Variants in HERC1 observed in about 807,000 individuals in gnomAD.
The protein encoded by HERC1 is HECT and RLD domain containing E3 ubiquitin protein ligase family member 1.
Under a neutral mutation model 554.3 loss-of-function variants are expected in HERC1, and 160 were observed. The ratio of observed to expected loss-of-function variants is 0.29; its 90% confidence interval spans 0.25 to 0.33. The LOEUF (loss-of-function observed/expected upper bound fraction) is 0.33, where lower values mean the gene tolerates loss of function less well. Among genes scored for constraint, HERC1 ranks in the 10% least tolerant of loss-of-function variants. The probability of loss-of-function intolerance (pLI) is 1.00; values close to 1 mark genes in which losing one functional copy is unlikely to be tolerated. For synonymous variants in HERC1, 2,175 were observed against 2,131.7 expected, an observed-to-expected ratio of 1.02 and a Z score of -0.56; for missense variants, 4,919 against 5,918.5, an observed-to-expected ratio of 0.83 and a Z score of 5.54.
intron 37 of HERC1, among the ~76,000 whole-genome samples, chr15:63,675,376 T>C (rs1302366628): frequency 6.6e-6 from 1 of 152,204 alleles, no homozygotes; most frequent in Non-Finnish European, 1.5e-5. Flanking sequence ...TGCCAGGAGT[T>C]AGCAAACTTT....
chr15:63,706,689 C>G, intron 25 of HERC1, 91 bp downstream of exon 25: 1 of 697,974 alleles, frequency 1.4e-6, no homozygotes, highest in East Asian at 2.9e-5. Context: ...GATATAAAAA[C>G]AGCTTCTTAA....
intron 14 of HERC1, among the ~76,000 whole-genome samples, chr15:63,730,837 T>C (rs1341955508): frequency 1.3e-5 from 2 of 152,114 alleles, no homozygotes; most frequent in African/African-American, 4.8e-5. Context: ...CCTCTGTGAG[T>C]TTTAAATTAC....
chr15:63,654,443 A>T (rs957292990), intron 50 of HERC1, 119 bp from the exon 51 acceptor site: 2 of 700,936 alleles, frequency 2.9e-6, no homozygotes, highest in African/African-American at 3.6e-5. Context: ...AAATGGGTTA[A>T]CCCATATCTT....
At position 63,612,947 on chromosome 15, in the gene HERC1, C is replaced by A. The variant is rs900031868; in HGVS notation, c.14095-391G>T. Among the ~76,000 whole-genome samples, 2 of 152,144 alleles carry A rather than the reference C, an allele frequency of 1.3e-5. No homozygotes were observed. Among genetic ancestry groups the A allele is most frequent in the African/African-American group, 4.8e-5 (2 of 41,434 alleles). ...CACTTCATCTCATAAAGGTAAGAAG[C>A]TTTGGGGGCACTCAACTAGCTGCCT... On this transcript the variant is annotated intron_variant, in intron 76 of 77. Coordinates refer to ENST00000443617, the MANE Select transcript of HERC1 (RefSeq NM_003922.4). This position sits in a 1 kb window ranked among gnomAD's most constrained non-coding sequence, Gnocchi z 5.0.
chr15:63,787,568 A>G (rs1024330653), intron 1 of HERC1, among the ~76,000 whole-genome samples: 4 of 152,180 alleles, frequency 2.6e-5, no homozygotes, highest in Non-Finnish European at 4.4e-5. Context: ...CAAATACTCA[A>G]AAAAAGTTCG....
intron 1 of HERC1, among the ~76,000 whole-genome samples, chr15:63,786,925 T>TA (rs1419338239): frequency 1.0e-4 from 15 of 150,332 alleles, no homozygotes; most frequent in Non-Finnish European, 1.8e-4. Context: ...TTATTATTTT[T>TA]TTTTTTTTTA....
At chr15:63,744,787 C>T (rs74019004) in intron 12 of HERC1, among the ~76,000 whole-genome samples, 1,824 of 152,208 alleles carry the variant, frequency 0.012, 31 homozygotes, top group African/African-American at 0.042. Flanking sequence ...TCTAGAAATG[C>T]CATCTAACAA....
rs1274785065 is a variant in HERC1 at position 63,608,930 on chromosome 15, G to C, written c.*151C>G. 5 of 568,294 alleles carry C rather than the reference G, an allele frequency of 8.8e-6. No homozygotes were observed. The highest frequency in any genetic ancestry group is 1.4e-5 in the Non-Finnish European group (5 of 360,476). 35.2% of individuals were successfully genotyped at this position (568,294 alleles called of 1,614,324 possible). On this transcript the variant is annotated 3_prime_UTR_variant, in exon 78 of 78. Transcript: ENST00000443617. Reference sequence around the variant, plus strand: ...AAAAATAAAAACATCTAATTTCTTTGTTACATTTAGAGTAACTAAATGTGG... The same window carrying C: ...AAAAATAAAAACATCTAATTTCTTTCTTACATTTAGAGTAACTAAATGTGG...
intron 58 of HERC1, 57 bp downstream of exon 58, chr15:63,643,347 G>A: frequency 2.1e-6 from 3 of 1,433,466 alleles, no homozygotes; most frequent in Non-Finnish European, 2.9e-6. Context: ...TTTATCACAT[G>A]TGTTTAAGTT....
At position 63,609,265 on chromosome 15, in the gene HERC1, G is replaced by A; in HGVS notation, c.14402C>T (p.Pro4801Leu). The change falls in exon 78 of 78, where the codon CCT becomes CTT. Residue 4801 changes from proline to leucine, a missense_variant and splice_region_variant. Pro to Leu is a moderately conservative substitution (Grantham distance 98). Transcript: ENST00000443617. ...CTGTGAGGTAGGCAGACTGTCGTAAGGCTGTGGAGAGAGACCCAGAGCCGT... is the reference window on the plus strand; with the variant it reads ...CTGTGAGGTAGGCAGACTGTCGTAAAGCTGTGGAGAGAGACCCAGAGCCGT... ...QRFQIMKVDRPYDSLPTSQTC... is the reference protein window; with the variant it reads ...QRFQIMKVDRLYDSLPTSQTC... 2 of 1,606,500 alleles carry A rather than the reference G, an allele frequency of 1.2e-6. No individual in the cohort carries two copies. The highest frequency in any genetic ancestry group is 2.7e-5 in the African/African-American group (2 of 74,926).
intron 76 of HERC1, among the ~76,000 whole-genome samples, chr15:63,613,256 T>A (rs977277608): frequency 6.6e-6 from 1 of 152,208 alleles, no homozygotes; most frequent in Non-Finnish European, 1.5e-5. Flanking sequence ...AGTAACTACA[T>A]GAAATTCTGT....
At chr15:63,667,725 A>G (rs1364848516) in intron 40 of HERC1, among the ~76,000 whole-genome samples, 1 of 152,228 alleles carries the variant, frequency 6.6e-6, no homozygotes, top group Non-Finnish European at 1.5e-5. Flanking sequence ...AATTAAAGAC[A>G]TATACTATAA....
At chr15:63,709,929 G>C (rs2073209115) in intron 24 of HERC1, among the ~76,000 whole-genome samples, 1 of 152,208 alleles carries the variant, frequency 6.6e-6, no homozygotes, top group African/African-American at 2.4e-5. Flanking sequence ...TTCTGGAAGA[G>C]GTAACATTTT....
At chr15:63,784,605 A>AT (rs11338494) in intron 1 of HERC1, among the ~76,000 whole-genome samples, 13 of 148,588 alleles carry the variant, frequency 8.7e-5, no homozygotes, top group East Asian at 6.0e-4. Context: ...TATCATGCAA[A>AT]TTTTTTTTTT....
At chr15:63,626,514 T>C (rs944794733) in intron 70 of HERC1, among the ~76,000 whole-genome samples, 1 of 152,216 alleles carries the variant, frequency 6.6e-6, no homozygotes, top group Non-Finnish European at 1.5e-5. Context: ...ATCTTCATAA[T>C]ACCACAAATG....
rs775126676 is a variant in HERC1 at position 63,669,686 on chromosome 15, A to G, written c.8058T>C (p.Ser2686=). The change falls in exon 40 of 78, where the codon TCT becomes TCC. Residue 2686 remains serine, a synonymous_variant. Transcript: ENST00000443617. ...GAAGTACAGTGGTAGTTGGGTAACT[A>G]GAGAACATTTGCCTTTAAGAAAATA... ...MPLSLLRQMF[S]SYPTTTVLPT... is the part of the protein sequence containing the mutation. The G allele has an allele frequency of 1.2e-6, 2 of 1,613,512 alleles. No homozygotes were observed. The highest frequency in any genetic ancestry group is 1.7e-6 in the Non-Finnish European group (2 of 1,179,590).
intron 10 of HERC1, among the ~76,000 whole-genome samples, chr15:63,748,314 C>A (rs1172723781): frequency 1.3e-5 from 2 of 152,002 alleles, no homozygotes; most frequent in Non-Finnish European, 2.9e-5. Context: ...AGTGATAAAA[C>A]CTTTCATTTT....
chr15:63,738,640 G>A (rs2074652841), intron 12 of HERC1, among the ~76,000 whole-genome samples: 1 of 152,094 alleles, frequency 6.6e-6, no homozygotes, highest in Non-Finnish European at 1.5e-5. Context: ...TGTGGTTACT[G>A]CAAATAGATA....
intron 1 of HERC1, among the ~76,000 whole-genome samples, chr15:63,789,078 G>GTTTTTT (rs71131178): frequency 3.6e-5 from 3 of 83,612 alleles, no homozygotes; most frequent in East Asian, 7.6e-4. Flanking sequence ...GGAATAAAAG[G>GTTTTTT]TTTTTTTTTT....
Sources: allele counts gnomAD v4.1 joint callset (sites outside exome capture counted in the v4.1 genomes callset), GRCh38; gene constraint gnomAD v4.1.1; non-coding constraint Gnocchi (gnomAD v3.1); transcripts MANE v1.5; gene names NCBI Gene and HGNC (gene_info 2026-07-23, HGNC 2026-07-21).